Variants in XPO6 observed in about 807,000 individuals in gnomAD.
The protein encoded by XPO6 is exportin 6.
Under a neutral mutation model 130.0 loss-of-function variants are expected in XPO6, and 3 were observed. That is an observed-to-expected ratio of 0.02 (90% confidence interval 0.01 to 0.06). The LOEUF (loss-of-function observed/expected upper bound fraction) is 0.06. Among genes scored for constraint, XPO6 ranks in the 10% least tolerant of loss-of-function variants. The pLI, the probability that XPO6 is intolerant of heterozygous loss-of-function variation, is 1.00. For synonymous variants in XPO6, 524 were observed against 548.9 expected (o/e 0.95, Z 0.63); for missense variants, 970 against 1,393.0 (o/e 0.70, Z 4.83).
intron 6 of XPO6, among the ~76,000 whole-genome samples, chr16:28,161,402 C>T (rs60760500): frequency 0.04 from 6,065 of 152,090 alleles, 419 homozygotes; most frequent in African/African-American, 0.14. Context: ...CAACCTCCTC[C>T]GCCATTATAA....
intron 9 of XPO6, among the ~76,000 whole-genome samples, chr16:28,139,492 T>C (rs947685098): frequency 6.6e-6 from 1 of 152,224 alleles, no homozygotes; most frequent in Non-Finnish European, 1.5e-5. Context: ...GAAATGGCAA[T>C]GTCTGGGTAA....
At chr16:28,112,322 G>A (rs2086945683) in intron 16 of XPO6, among the ~76,000 whole-genome samples, 1 of 152,190 alleles carries the variant, frequency 6.6e-6, no homozygotes, top group Admixed American at 6.5e-5. Flanking sequence ...TTGTTCAGCT[G>A]GTGGCTTCTG....
chr16:28,210,759 C>A (rs2044116079), intron 1 of XPO6, among the ~76,000 whole-genome samples: 1 of 152,198 alleles, frequency 6.6e-6, no homozygotes, highest in African/African-American at 2.4e-5. Flanking sequence ...GTCAAAAGAT[C>A]ACGACCATTC....
rs974709591 is a variant in XPO6, at chr16:28,104,532, C to T, written c.2946+14G>A. On this transcript the variant is annotated intron_variant, in intron 21 of 23. Coordinates refer to ENST00000304658, the MANE Select transcript of XPO6 (RefSeq NM_015171.4). ...AGAGGAAGTCACCTGGCAGCAACCC[C>T]GCCCCCACGTTACCTGCATGATGGC... 3.1e-6 allele frequency: 5 copies of T among 1,613,646 alleles called. No individual in the cohort carries two copies. Among genetic ancestry groups the T allele is most frequent in the African/African-American group, 2.7e-5 (2 of 74,916 alleles).
intron 17 of XPO6, chr16:28,111,327 A>G (rs1356916511): frequency 6.6e-6 from 1 of 152,314 alleles, no homozygotes; most frequent in African/African-American, 2.4e-5. Flanking sequence ...TAATATAAAC[A>G]AGCAAACTTC....
At chr16:28,136,860 G>A (rs1233423872) in intron 9 of XPO6, among the ~76,000 whole-genome samples, 2 of 152,258 alleles carry the variant, frequency 1.3e-5, no homozygotes, top group Non-Finnish European at 2.9e-5. Context: ...CAAACCACCA[G>A]TGCTGGTTAG....
In XPO6 at chr16:28,104,723, G is replaced by A; in HGVS notation, c.2785-16C>T. On this transcript the variant is annotated splice_polypyrimidine_tract_variant and intron_variant, in intron 20 of 23. Transcript: ENST00000304658. ...GGGAGGGACGCTGCAAAGACACACA[G>A]ACGCTCAGACCTGCAGCTTGCGGAG... 1 of 1,613,102 alleles carries A rather than the reference G, an allele frequency of 6.2e-7. No homozygotes were observed. Among genetic ancestry groups the A allele is most frequent in the Non-Finnish European group, 8.5e-7 (1 of 1,179,970 alleles).
At chr16:28,169,537 C>T (rs996728134) in intron 5 of XPO6, among the ~76,000 whole-genome samples, 3 of 152,184 alleles carry the variant, frequency 2.0e-5, no homozygotes, top group Non-Finnish European at 2.9e-5. Flanking sequence ...AAGACCACTT[C>T]GTGAAAGACT....
intron 7 of XPO6, 32 bp downstream of exon 7, chr16:28,156,042 G>C: frequency 6.4e-7 from 1 of 1,564,840 alleles, no homozygotes. Context: ...CCCTTTCTTG[G>C]GGCACACCAG....
intron 17 of XPO6, among the ~76,000 whole-genome samples, chr16:28,109,178 A>T (rs537920959): frequency 1.3e-5 from 2 of 150,504 alleles, no homozygotes; most frequent in South Asian, 2.2e-4. Context: ...AGATGTATTT[A>T]AAAAAAATAC....
chr16:28,131,118 C>T (rs1009794238), intron 12 of XPO6, among the ~76,000 whole-genome samples: 1 of 152,204 alleles, frequency 6.6e-6, no homozygotes, highest in East Asian at 1.9e-4. Flanking sequence ...ATTTTATAAG[C>T]ATGTTTGTTT....
At chr16:28,135,735 G>A (rs1180146616) in intron 9 of XPO6, among the ~76,000 whole-genome samples, 1 of 152,146 alleles carries the variant, frequency 6.6e-6, no homozygotes, top group Non-Finnish European at 1.5e-5. Flanking sequence ...TAGACAACAC[G>A]TCATTGGGTC....
At chr16:28,159,809 G>GT in intron 6 of XPO6, among the ~76,000 whole-genome samples, 1 of 152,206 alleles carries the variant, frequency 6.6e-6, no homozygotes, top group South Asian at 2.1e-4. Flanking sequence ...AACCATAAAG[G>GT]TATCTTTTAG....
intron 8 of XPO6, among the ~76,000 whole-genome samples, chr16:28,146,510 T>C (rs1335900338): frequency 1.3e-5 from 2 of 152,204 alleles, no homozygotes; most frequent in Non-Finnish European, 2.9e-5. Context: ...CTCTTACAGA[T>C]CATCTAGTTT....
intron 4 of XPO6, 91 bp from the exon 5 acceptor site, chr16:28,170,000 G>C: frequency 6.7e-7 from 1 of 1,491,032 alleles, no homozygotes. Flanking sequence ...GCATCTGTGT[G>C]TGTTTAATCT....
chr16:28,106,311 G>A lies in XPO6; in HGVS notation c.2612+72C>T. On this transcript the variant is annotated intron_variant, in intron 19 of 23. Transcript: ENST00000304658. The surrounding 1 kb of genome is among the most constrained non-coding windows in gnomAD (Gnocchi z 4.2). ...GGCAAGTGCAGAACAGGAGCAAAAAGCCACACTTTGTCGCCAGACCCACCA... is the reference window on the plus strand; with the variant it reads ...GGCAAGTGCAGAACAGGAGCAAAAAACCACACTTTGTCGCCAGACCCACCA... 6.2e-7 allele frequency: 1 copy of A among 1,606,698 alleles called. No individual in the cohort carries two copies. Among genetic ancestry groups the A allele is most frequent in the Non-Finnish European group, 8.5e-7 (1 of 1,174,108 alleles).
In XPO6 at chr16:28,133,821, T is replaced by C; in HGVS notation, c.1536+20A>G. 1 of 1,612,678 alleles carries C rather than the reference T, an allele frequency of 6.2e-7. No homozygotes were observed. Among genetic ancestry groups the C allele is most frequent in the South Asian group, 1.1e-5 (1 of 90,962 alleles). ...ACAGAGAAATCGCTACACTCTCCACTCCCCCGGACAGCACATTACCAGTGT... is the reference window on the plus strand; with the variant it reads ...ACAGAGAAATCGCTACACTCTCCACCCCCCCGGACAGCACATTACCAGTGT... On this transcript the variant is annotated intron_variant, in intron 11 of 23. Transcript: ENST00000304658.
intron 7 of XPO6, 192 bp downstream of exon 7, chr16:28,155,882 C>T (rs2043176280): frequency 6.6e-6 from 9 of 1,355,378 alleles, no homozygotes; most frequent in Non-Finnish European, 8.6e-6. Flanking sequence ...TTTTCAAACT[C>T]AGTCACTTCC....
At chr16:28,155,809 T>G in intron 7 of XPO6, 1 of 734,856 alleles carries the variant, frequency 1.4e-6, no homozygotes, top group South Asian at 3.3e-5. Context: ...GCAAGAGGAG[T>G]AGAAGGGAGG....
Sources: gnomAD v4.1 joint callset for allele counts (sites outside exome capture counted in the v4.1 genomes callset) on GRCh38, gnomAD v4.1.1 for gene constraint, Gnocchi (gnomAD v3.1) non-coding constraint, MANE v1.5 for transcripts, NCBI Gene and HGNC (gene_info 2026-07-23, HGNC 2026-07-21) for gene names.